The following DDIAS variants were observed in gnomAD, a reference collection of about 807,000 sequenced individuals.
The protein encoded by DDIAS is DNA damage-induced apoptosis suppressor protein.
A neutral mutation model predicts 15.7 loss-of-function variants in DDIAS; 14 were observed. That is an observed-to-expected ratio of 0.89 (90% confidence interval 0.59 to 1.39). The LOEUF is 1.39. DDIAS is among the 40% of genes most tolerant of loss of function. DDIAS has a pLI of 0.00. For synonymous variants in DDIAS, 355 were observed against 395.9 expected, an observed-to-expected ratio of 0.90 and a Z score of 1.23; for missense variants, 1,035 against 1,130.9, an observed-to-expected ratio of 0.92 and a Z score of 1.22.
At position 82,930,204 on chromosome 11, in the gene DDIAS, C is replaced by T; in HGVS notation, c.323C>T (p.Thr108Ile). ...ATTCCAGAAACACTGGACAATGATACAACTCAGAATCTATTAACTAAAGCA... is the reference window on the plus strand; with the variant it reads ...ATTCCAGAAACACTGGACAATGATATAACTCAGAATCTATTAACTAAAGCA... ...NKIPETLDND[T>I]TQNLLTKAVE... Residue 108 changes from threonine to isoleucine, a missense_variant, in exon 5 of 6, where the codon ACA (threonine) becomes ATA (isoleucine). Coordinates refer to ENST00000533655, the MANE Select transcript of DDIAS (RefSeq NM_145018.4). 6.2e-7 allele frequency: 1 copy of T among 1,602,744 alleles called. No individual in the cohort carries two copies. The highest frequency in any genetic ancestry group is 8.5e-7 in the Non-Finnish European group (1 of 1,173,796).
intron 3 of DDIAS, among the ~76,000 whole-genome samples, chr11:82,915,317 G>C (rs553050788): frequency 6.6e-6 from 1 of 152,208 alleles, no homozygotes; most frequent in Non-Finnish European, 1.5e-5. Flanking sequence ...ATGGTGCTCA[G>C]ATGCAAGCCA....
At chr11:82,911,274 C>T (rs1405971419) in intron 1 of DDIAS, among the ~76,000 whole-genome samples, 2 of 152,212 alleles carry the variant, frequency 1.3e-5, no homozygotes, top group Non-Finnish European at 2.9e-5. Context: ...CCATGTAATG[C>T]TGTTTGATAG....
At chr11:82,911,748 G>T (rs1216064766) in intron 1 of DDIAS, among the ~76,000 whole-genome samples, 2 of 152,128 alleles carry the variant, frequency 1.3e-5, no homozygotes, top group Admixed American at 6.5e-5. Context: ...AACTTACTTT[G>T]CCCAGATCCA....
intron 3 of DDIAS, among the ~76,000 whole-genome samples, chr11:82,927,994 T>C (rs1412452448): frequency 1.3e-5 from 2 of 152,092 alleles, no homozygotes; most frequent in East Asian, 1.9e-4. Flanking sequence ...TTAGCCACCA[T>C]TACATACTGT....
rs1422642367 is a variant in DDIAS at position 82,932,757 on chromosome 11, T to C, written c.1419T>C (p.His473=). ...VTPQRTTGAL[H]TPPIALRSSQ... ...CCCAGAGAACTACTGGAGCCCTGCA[T>C]ACACCACCTATAGCTTTAAGATCAT... Residue 473 remains histidine (H), a synonymous_variant, in exon 6 of 6, where the codon CAT becomes CAC. Coordinates refer to ENST00000533655, the MANE Select transcript of DDIAS (RefSeq NM_145018.4). 1.2e-6 allele frequency: 2 copies of C among 1,613,966 alleles called. No individual in the cohort carries two copies. The highest frequency in any genetic ancestry group is 1.7e-6 in the Non-Finnish European group (2 of 1,180,028).
chr11:82,911,445 ACT>A (rs1200368195), intron 1 of DDIAS, among the ~76,000 whole-genome samples: 1 of 149,726 alleles, frequency 6.7e-6, no homozygotes, highest in African/African-American at 2.5e-5. Flanking sequence ...TCAAGAAACT[ACT>A]CTCTTTGTTT....
chr11:82,908,892 A>G (rs1049034529), intron 1 of DDIAS, among the ~76,000 whole-genome samples: 1 of 152,096 alleles, frequency 6.6e-6, no homozygotes, highest in African/African-American at 2.4e-5. Flanking sequence ...CTTTGTTTCT[A>G]CTTTCTTTAG....
At chr11:82,918,224 T>G in intron 3 of DDIAS, among the ~76,000 whole-genome samples, 1 of 152,324 alleles carries the variant, frequency 6.6e-6, no homozygotes, top group African/African-American at 2.4e-5. Context: ...CTTCTAGAAT[T>G]TTTATAGTTT....
In DDIAS at chr11:82,933,698, G is replaced by C. The variant is rs375795516; in HGVS notation, c.2360G>C (p.Gly787Ala). ...GGGTTCCACCAAACAAGAATTCATG[G>C]GATAAACAGAGCTTTCAAAAAACCT... ...ISGFHQTRIHGINRAFKKPVF... is the reference protein window; with the variant it reads ...ISGFHQTRIHAINRAFKKPVF... The change falls in exon 6 of 6, where the codon GGG becomes GCG. Residue 787 changes from glycine (G) to alanine (A), a missense_variant. Coordinates refer to ENST00000533655, the MANE Select transcript of DDIAS (RefSeq NM_145018.4). 6.2e-7 allele frequency: 1 copy of C among 1,613,830 alleles called. No homozygotes were observed. The highest frequency in any genetic ancestry group is 1.1e-5 in the South Asian group (1 of 91,028).
At position 82,932,653 on chromosome 11, in the gene DDIAS, G is replaced by A; in HGVS notation, c.1315G>A (p.Asp439Asn). The A allele has an allele frequency of 1.9e-6, 3 of 1,614,094 alleles. No individual in the cohort carries two copies. The highest frequency in any genetic ancestry group is 1.7e-6 in the Non-Finnish European group (2 of 1,180,044). The change falls in exon 6 of 6, where the codon GAT (aspartate) becomes AAT (asparagine). Residue 439 changes from aspartate to asparagine, a missense_variant. By Grantham distance (23) the Asp-to-Asn change is conservative (BLOSUM62 1). Coordinates refer to ENST00000533655, the MANE Select transcript of DDIAS (RefSeq NM_145018.4). ...LESEIAVTQA[D>N]VSSRKHHVDN... is the part of the protein sequence containing the mutation. ...AAGTGAGATTGCTGTAACCCAGGCA[G>A]ATGTCAGTAGTAGGAAACATCATGT...
At position 82,932,240 on chromosome 11, in the gene DDIAS, A is replaced by G. The variant is rs1861007217; in HGVS notation, c.902A>G (p.Tyr301Cys). ...PIQDSWSLVS[Y>C]MDKKSTAEKL... ...CAGGATTCATGGAGCCTTGTTTCAT[A>G]TATGGATAAAAAGAGTACAGCAGAA... Residue 301 changes from tyrosine (Y) to cysteine (C), a missense_variant, in exon 6 of 6, where the codon TAT becomes TGT. Transcript: ENST00000533655. 1.9e-6 allele frequency: 3 copies of G among 1,613,774 alleles called. No homozygotes were observed. The highest frequency in any genetic ancestry group is 2.5e-6 in the Non-Finnish European group (3 of 1,179,898).
At position 82,930,237 on chromosome 11, in the gene DDIAS, C is replaced by T; in HGVS notation, c.356C>T (p.Thr119Ile). The part of the protein sequence containing the change: ...TQNLLTKAVE[T>I]CFVGQSFIFG... ...AATCTATTAACTAAAGCAGTTGAAACTTGCTTTGTTGGACAAAGCTTTATT... is the reference window on the plus strand; with the variant it reads ...AATCTATTAACTAAAGCAGTTGAAATTTGCTTTGTTGGACAAAGCTTTATT... Residue 119 changes from threonine (T) to isoleucine (I), a missense_variant, in exon 5 of 6, where the codon ACT (threonine) becomes ATT (isoleucine). By Grantham distance (89) the Thr-to-Ile change is moderately conservative (BLOSUM62 -1). Coordinates refer to ENST00000533655, the MANE Select transcript of DDIAS (RefSeq NM_145018.4). The T allele has an allele frequency of 1.9e-6, 3 of 1,601,056 alleles. No homozygotes were observed. In the African/African-American group the frequency reaches 4.0e-5, roughly 21 times the overall value.
In DDIAS at chr11:82,914,859, T is replaced by C; in HGVS notation, c.113+8T>C. 6.6e-7 allele frequency: 1 copy of C among 1,523,616 alleles called. No homozygotes were observed. Among genetic ancestry groups the C allele is most frequent in the Non-Finnish European group, 9.1e-7 (1 of 1,101,742 alleles). The allele number at this position is 1,523,616 out of a possible 1,614,324, so 94.4% of individuals were successfully genotyped here. A position where few individuals can be genotyped will look rare whatever the true frequency, so the allele number is the denominator to read the frequency against. On this transcript the variant is annotated splice_region_variant and intron_variant, in intron 3 of 5. Coordinates refer to ENST00000533655, the MANE Select transcript of DDIAS (RefSeq NM_145018.4). ...AATCCTGGTCTCCAAAAGGTAAAAG[T>C]AAAGTCTGTAAGTGTGAGAGAGGAA... is the stretch of plus-strand genomic sequence containing the variant.
Position 82,932,435 on chromosome 11 carries a change from C to A in DDIAS, c.1097C>A (p.Ser366Tyr), listed in dbSNP as rs1346157357. 1.2e-6 allele frequency: 2 copies of A among 1,613,960 alleles called. No individual in the cohort carries two copies. The highest frequency in any genetic ancestry group is 1.7e-6 in the Non-Finnish European group (2 of 1,180,020). Residue 366 changes from serine to tyrosine, a missense_variant, in exon 6 of 6, where the codon TCC becomes TAC. By Grantham distance (144) the Ser-to-Tyr change is moderately radical (BLOSUM62 -2). Coordinates refer to ENST00000533655, the MANE Select transcript of DDIAS (RefSeq NM_145018.4). ...FHSAVEIKNR[S>Y]QHELPCFQHH... ...AGTGCAGTGGAAATTAAAAATAGGT[C>A]CCAGCATGAGCTACCATGTTTTCAG... is the stretch of plus-strand genomic sequence containing the variant.
chr11:82,930,318 C>T (rs1347938236), intron 5 of DDIAS, 44 bp downstream of exon 5: 3 of 1,325,326 alleles, frequency 2.3e-6, no homozygotes, highest in Non-Finnish European at 2.1e-6. Context: ...TTAACATTTC[C>T]ATTGTAATGA....
intron 3 of DDIAS, 59 bp downstream of exon 3, chr11:82,914,910 T>C: frequency 8.4e-7 from 1 of 1,193,726 alleles, no homozygotes; most frequent in South Asian, 1.4e-5. Flanking sequence ...GTAGATTTCC[T>C]ATGGCTCAAG....
At chr11:82,905,807 AAT>A in intron 1 of DDIAS, among the ~76,000 whole-genome samples, 1 of 152,206 alleles carries the variant, frequency 6.6e-6, no homozygotes, top group Middle Eastern at 3.2e-3. Flanking sequence ...TGAATAAATA[AAT>A]ATGTTCGCAT....
chr11:82,907,610 G>A (rs750351175), intron 1 of DDIAS, among the ~76,000 whole-genome samples: 17 of 152,278 alleles, frequency 1.1e-4, no homozygotes, highest in Non-Finnish European at 1.6e-4. Context: ...GCGCAATACC[G>A]CGCACTGCAG....
chr11:82,926,623 T>C (rs185700939), intron 3 of DDIAS, among the ~76,000 whole-genome samples: 6 of 152,308 alleles, frequency 3.9e-5, no homozygotes, highest in African/African-American at 1.2e-4. Flanking sequence ...CTAAGGTACA[T>C]CTGCATCAGT....
Sources: gnomAD v4.1 joint callset for allele counts (sites outside exome capture counted in the v4.1 genomes callset) on GRCh38, gnomAD v4.1.1 for gene constraint, MANE v1.5 for transcripts, NCBI Gene and HGNC (gene_info 2026-07-23, HGNC 2026-07-21) for gene names.